The following SLCO2B1 variants were observed in gnomAD, a reference collection of about 807,000 sequenced individuals.
The protein encoded by SLCO2B1 is solute carrier organic anion transporter family member 2B1, also known as OATP-RP2.
SLCO2B1 carries 41 observed loss-of-function variants against 67.3 expected under a neutral mutation model. The observed-to-expected ratio is 0.61, with a 90% CI of 0.47 to 0.79. The LOEUF is 0.79. SLCO2B1 is among the 30% of genes least tolerant of loss of function. The pLI is 0.00. For synonymous variants in SLCO2B1, 379 were observed against 381.4 expected (o/e 0.99, Z 0.07); for missense variants, 837 against 920.1 (o/e 0.91, Z 1.17).
intron 7 of SLCO2B1, among the ~76,000 whole-genome samples, chr11:75,185,023 G>A (rs539062700): frequency 2.0e-4 from 30 of 152,200 alleles, no homozygotes; most frequent in African/African-American, 7.0e-4. Flanking sequence ...AATGAAAGAA[G>A]AAAGAAGAAA....
chr11:75,193,488 G>T lies in SLCO2B1; in HGVS notation c.1346G>T (p.Gly449Val). The T allele has an allele frequency of 6.2e-7, 1 of 1,610,010 alleles. No individual in the cohort carries two copies. The highest frequency in any genetic ancestry group is 8.5e-7 in the Non-Finnish European group (1 of 1,177,340). Residue 449 changes from glycine to valine, a missense_variant, in exon 9 of 14, where the codon GGG becomes GTG. By Grantham distance (109) the Gly-to-Val change is moderately radical (BLOSUM62 -3). Coordinates refer to ENST00000289575, the MANE Select transcript of SLCO2B1 (RefSeq NM_007256.5). The surrounding 1 kb of genome is among the most constrained non-coding windows in gnomAD (Gnocchi z 4.2). ...PVGCGALCLL[G>V]MLLCLFFSLP... The stretch of plus-strand genomic sequence containing the variant: ...GGATGCGGTGCCCTTTGCCTGCTGG[G>T]GATGCTGCTGTGCCTCTTCTTCAGC...
At chr11:75,165,018 T>C (rs1325239155) in intron 3 of SLCO2B1, among the ~76,000 whole-genome samples, 3 of 151,982 alleles carry the variant, frequency 2.0e-5, no homozygotes, top group African/African-American at 7.3e-5. Context: ...AGGTCACCAA[T>C]CAATAAGCAG....
At chr11:75,203,130 G>T in intron 12 of SLCO2B1, 165 bp downstream of exon 12, 1 of 1,157,048 alleles carries the variant, frequency 8.6e-7, no homozygotes, top group Non-Finnish European at 1.3e-6. Flanking sequence ...GGGGTATAGA[G>T]GCAGAGTCTA....
chr11:75,183,974 G>A (rs1256155121), intron 7 of SLCO2B1, among the ~76,000 whole-genome samples: 5 of 152,216 alleles, frequency 3.3e-5, no homozygotes, highest in Non-Finnish European at 7.3e-5. Context: ...AGATGGAGCA[G>A]GCTCATGTGT....
chr11:75,179,185 T>C (rs1257102631), intron 7 of SLCO2B1, among the ~76,000 whole-genome samples: 2 of 150,548 alleles, frequency 1.3e-5, no homozygotes, highest in Non-Finnish European at 3.0e-5. Context: ...TTTTTATGGG[T>C]GCATAGGTGG....
At position 75,165,847 on chromosome 11, in the gene SLCO2B1, C is replaced by T. The variant is rs758977546; in HGVS notation, c.346C>T (p.Arg116Ter). The change falls in exon 4 of 14, where the codon CGA (arginine) becomes TGA (stop). Residue 116 changes from arginine (R) to a stop codon, truncating the protein, a stop_gained. Coordinates refer to ENST00000289575, the MANE Select transcript of SLCO2B1 (RefSeq NM_007256.5). LOFTEE classifies it high-confidence loss of function. The part of the protein sequence containing the change: ...SYFGSRVHRP[R>*]MIGYGAILVA... ...TTTTGGCAGCCGGGTGCACCGACCC[C>T]GAATGATTGGCTATGGGGCTATCCT... 13 of 1,614,054 alleles carry T rather than the reference C, an allele frequency of 8.1e-6. No homozygotes were observed. Among genetic ancestry groups the T allele is most frequent in the Admixed American group, 1.7e-5 (1 of 59,998 alleles).
chr11:75,196,695 C>T lies in SLCO2B1; in HGVS notation c.1599+16C>T, dbSNP rs1432259037. 10 of 1,609,380 alleles carry T rather than the reference C, an allele frequency of 6.2e-6. No homozygotes were observed. Among genetic ancestry groups the T allele is most frequent in the African/African-American group, 1.3e-5 (1 of 75,012 alleles). Reference sequence around the variant, plus strand: ...CAACAGCCAGGTGAGTCAGGCCTCTCGTGGCAACCTCTGCCCCTCAGGACT... The same window carrying T: ...CAACAGCCAGGTGAGTCAGGCCTCTTGTGGCAACCTCTGCCCCTCAGGACT... On this transcript the variant is annotated intron_variant, in intron 10 of 13. Coordinates refer to ENST00000289575, the MANE Select transcript of SLCO2B1 (RefSeq NM_007256.5).
At chr11:75,183,881 G>A (rs1192710117) in intron 7 of SLCO2B1, among the ~76,000 whole-genome samples, 1 of 152,190 alleles carries the variant, frequency 6.6e-6, no homozygotes, top group African/African-American at 2.4e-5. Flanking sequence ...CTCTAGTTAT[G>A]TGATGCTGAA....
chr11:75,168,421 G>A (rs995086021), intron 4 of SLCO2B1, among the ~76,000 whole-genome samples: 5 of 152,198 alleles, frequency 3.3e-5, no homozygotes, highest in African/African-American at 7.2e-5. Flanking sequence ...CAGAGAGAAG[G>A]CTGCTTCTAC....
chr11:75,162,980 A>G (rs994546061), intron 2 of SLCO2B1, 195 bp downstream of exon 2: 2 of 568,618 alleles, frequency 3.5e-6, no homozygotes, highest in African/African-American at 3.8e-5. Flanking sequence ...TGGCCAGTAC[A>G]TGTTCGCTCC....
intron 8 of SLCO2B1, among the ~76,000 whole-genome samples, chr11:75,189,706 G>C (rs568939317): frequency 6.6e-6 from 1 of 152,182 alleles, no homozygotes; most frequent in African/African-American, 2.4e-5. Flanking sequence ...CAGCACTTTG[G>C]GGGACCAAGG....
At chr11:75,167,895 C>CTTTTTTT (rs561140005) in intron 4 of SLCO2B1, among the ~76,000 whole-genome samples, 3 of 134,442 alleles carry the variant, frequency 2.2e-5, no homozygotes, top group Admixed American at 7.6e-5. Flanking sequence ...TTCTTTCTTT[C>CTTTTTTT]TTTTTTTTTT....
chr11:75,201,023 CTTTTTTTTTTTT>C (rs11396188), intron 11 of SLCO2B1: 1 of 99,872 alleles, frequency 1.0e-5, no homozygotes. Context: ...ATAGTTTTTC[CTTTTTTTTTTTT>C]TTTTTTTTTG....
At chr11:75,200,196 A>G (rs2140345375) in intron 10 of SLCO2B1, 28 bp from the exon 11 acceptor site, 1 of 1,588,258 alleles carries the variant, frequency 6.3e-7, no homozygotes. Context: ...GAGGCTCTTG[A>G]AGTCTCTTCC....
At chr11:75,198,122 G>A (rs1351679854) in intron 10 of SLCO2B1, among the ~76,000 whole-genome samples, 1 of 152,222 alleles carries the variant, frequency 6.6e-6, no homozygotes, top group Non-Finnish European at 1.5e-5. Flanking sequence ...AGAACCTGTT[G>A]ATGGTGCATA....
intron 9 of SLCO2B1, 113 bp from the exon 10 acceptor site, chr11:75,196,401 G>A (rs562771982): frequency 9.4e-7 from 1 of 1,068,174 alleles, no homozygotes; most frequent in Admixed American, 2.5e-5. Flanking sequence ...AAAATCCTCT[G>A]TGTGGAGCTG....
chr11:75,183,195 CTTATT>C (rs959416859), intron 7 of SLCO2B1, among the ~76,000 whole-genome samples: 1 of 152,118 alleles, frequency 6.6e-6, no homozygotes, highest in Non-Finnish European at 1.5e-5. Flanking sequence ...CTAAAATATT[CTTATT>C]TTAACATATA....
intron 13 of SLCO2B1, chr11:75,204,120 G>A: frequency 3.4e-6 from 1 of 292,604 alleles, no homozygotes; most frequent in South Asian, 1.4e-4. Flanking sequence ...ATATAAAATT[G>A]CACTTGTCAG....
chr11:75,202,866 T>A, intron 11 of SLCO2B1, 35 bp from the exon 12 acceptor site: 1 of 1,606,070 alleles, frequency 6.2e-7, no homozygotes, highest in East Asian at 2.2e-5. Context: ...CTGGAACCCC[T>A]CCAACCTCAT....
Sources: allele counts gnomAD v4.1 joint callset (sites outside exome capture counted in the v4.1 genomes callset), GRCh38; gene constraint gnomAD v4.1.1; non-coding constraint Gnocchi (gnomAD v3.1); transcripts MANE v1.5; gene names NCBI Gene and HGNC (gene_info 2026-07-23, HGNC 2026-07-21).